The following RP1 variants were observed in gnomAD, a reference collection of about 807,000 sequenced individuals.
RP1 encodes RP1 axonemal microtubule associated.
RP1 carries 16 observed loss-of-function variants against 14.8 expected under a neutral mutation model. The observed-to-expected ratio is 1.08, with a 90% confidence interval of 0.73 to 1.65. The LOEUF (loss-of-function observed/expected upper bound fraction) is 1.65, where lower values mean the gene tolerates loss of function less well. RP1 is among the 40% of genes most tolerant of loss of function. RP1 has a pLI of 0.00. For synonymous variants in RP1, 876 were observed against 883.6 expected, an observed-to-expected ratio of 0.99 and a Z score of 0.15; for missense variants, 2,631 against 2,535.0, an observed-to-expected ratio of 1.04 and a Z score of -0.81.
chr8:54,741,061 A>G (rs186062379), intron 19 of RP1, among the ~76,000 whole-genome samples: 3 of 152,276 alleles, frequency 2.0e-5, no homozygotes, highest in East Asian at 3.9e-4. Flanking sequence ...CTTATGGAAT[A>G]AGAATATAAA....
downstream of RP1, among the ~76,000 whole-genome samples, chr8:54,770,384 C>T (rs533672687): frequency 1.3e-5 from 2 of 151,620 alleles, no homozygotes; most frequent in African/African-American, 4.8e-5. Flanking sequence ...TAATGCTTCT[C>T]TTCAATAATT....
At chr8:54,674,125 T>C (rs2129333341) in intron 8 of RP1, among the ~76,000 whole-genome samples, 1 of 152,326 alleles carries the variant, frequency 6.6e-6, no homozygotes, top group African/African-American at 2.4e-5. Flanking sequence ...TGACATAGGC[T>C]TGGCCAAGGG....
chr8:54,817,573 G>A (rs1811163510), intron 24 of RP1, among the ~76,000 whole-genome samples: 1 of 152,172 alleles, frequency 6.6e-6, no homozygotes, highest in Non-Finnish European at 1.5e-5. Flanking sequence ...TTGAAAACTA[G>A]ACAGAAAATG....
Position 54,629,613 on chromosome 8 carries a change from T to C in RP1, c.5731T>C (p.Tyr1911His), listed in dbSNP as rs995598864. ...GGAAGCTGACTCTTTGGATAAACTGTATGCTCTTTGTGGTCAACATTGCCC... is the reference window on the plus strand; with the variant it reads ...GGAAGCTGACTCTTTGGATAAACTGCATGCTCTTTGTGGTCAACATTGCCC... ...LQEADSLDKLYALCGQHCPIL... is the reference protein window; with the variant it reads ...LQEADSLDKLHALCGQHCPIL... The change falls in exon 4 of 4, where the codon TAT becomes CAT. Residue 1911 changes from tyrosine to histidine, a missense_variant. By Grantham distance (83) the Tyr-to-His change is moderately conservative. Transcript: ENST00000220676. 1 of 1,614,012 alleles carries C rather than the reference T, an allele frequency of 6.2e-7. No homozygotes were observed. Among genetic ancestry groups the C allele is most frequent in the Non-Finnish European group, 8.5e-7 (1 of 1,180,002 alleles).
At chr8:54,740,865 T>C (rs1411025600) in intron 19 of RP1, among the ~76,000 whole-genome samples, 1 of 151,534 alleles carries the variant, frequency 6.6e-6, no homozygotes, top group African/African-American at 2.4e-5. Context: ...GCTAACATGG[T>C]GAAACCCCAT....
chr8:54,822,129 T>C (rs1811268639), intron 24 of RP1, among the ~76,000 whole-genome samples: 2 of 152,242 alleles, frequency 1.3e-5, no homozygotes, highest in Non-Finnish European at 2.9e-5. Flanking sequence ...CAAAATGTAG[T>C]TGTAATACAG....
chr8:54,777,888 A>G (rs1268160961), intron 23 of RP1, among the ~76,000 whole-genome samples: 2 of 152,226 alleles, frequency 1.3e-5, no homozygotes, highest in African/African-American at 4.8e-5. Flanking sequence ...GAGGCAAATA[A>G]CAATATCCTT....
At chr8:54,712,207 G>T (rs914539976) in intron 15 of RP1, among the ~76,000 whole-genome samples, 1 of 152,156 alleles carries the variant, frequency 6.6e-6, no homozygotes, top group African/African-American at 2.4e-5. Flanking sequence ...GGCCTACATC[G>T]GGAGAGACAG....
chr8:54,595,513 T>A (rs192000686), intron 1 of RP1, among the ~76,000 whole-genome samples: 102 of 152,312 alleles, frequency 6.7e-4, no homozygotes, highest in African/African-American at 2.5e-3. Context: ...CTTAGCAAAC[T>A]GCAATCTTTT....
chr8:54,603,151 T>G (rs1805334791), intron 1 of RP1, among the ~76,000 whole-genome samples: 3 of 152,230 alleles, frequency 2.0e-5, no homozygotes, highest in African/African-American at 7.2e-5. Context: ...GGTTTTCTTC[T>G]AGGGTTTTTA....
chr8:54,843,883 G>A (rs532531824), intron 25 of RP1, among the ~76,000 whole-genome samples: 12 of 152,286 alleles, frequency 7.9e-5, no homozygotes, highest in East Asian at 3.9e-4. Flanking sequence ...TTACCTAGGC[G>A]CTTTAGAGCC....
chr8:54,786,972 C>T (rs574190158), intron 24 of RP1, among the ~76,000 whole-genome samples: 17 of 152,230 alleles, frequency 1.1e-4, no homozygotes, highest in African/African-American at 3.6e-4. Flanking sequence ...TTTTATATAA[C>T]TGTTCATATG....
intron 3 of RP1, among the ~76,000 whole-genome samples, chr8:54,623,840 T>G (rs960290391): frequency 1.3e-5 from 2 of 152,122 alleles, no homozygotes; most frequent in Non-Finnish European, 2.9e-5. Flanking sequence ...TATGTGTAGG[T>G]GGGAAGATGA....
intron 19 of RP1, among the ~76,000 whole-genome samples, chr8:54,739,858 C>T (rs1809028014): frequency 6.6e-6 from 1 of 152,034 alleles, no homozygotes; most frequent in Admixed American, 6.6e-5. Flanking sequence ...AAAATTCTTA[C>T]TGCCTAGTGA....
intron 1 of RP1, among the ~76,000 whole-genome samples, chr8:54,588,794 C>T (rs1005309387): frequency 1.3e-5 from 2 of 152,090 alleles, no homozygotes; most frequent in Non-Finnish European, 2.9e-5. Context: ...GATACTGTAT[C>T]CTCTATCTTG....
At position 54,629,702 on chromosome 8, in the gene RP1, A is replaced by G; in HGVS notation, c.5820A>G (p.Glu1940=). Residue 1940 remains glutamate (E), a synonymous_variant, in exon 4 of 4, where the codon GAA becomes GAG. Coordinates refer to ENST00000220676, the MANE Select transcript of RP1 (RefSeq NM_006269.2). ...ACCGAGGATTTGCATATCGCAAAGA[A>G]TCTGATATTGAAAATTTCTTGGGTT... The part of the protein sequence containing the change: ...EEDRGFAYRK[E]SDIENFLGFY... 6.2e-7 allele frequency: 1 copy of G among 1,612,784 alleles called. No homozygotes were observed. The highest frequency in any genetic ancestry group is 8.5e-7 in the Non-Finnish European group (1 of 1,179,452).
At chr8:54,722,809 A>G (rs1808567956) in intron 16 of RP1, among the ~76,000 whole-genome samples, 1 of 152,156 alleles carries the variant, frequency 6.6e-6, no homozygotes, top group African/African-American at 2.4e-5. Flanking sequence ...CTAAGTTTAC[A>G]TCTCAAGAGA....
intron 24 of RP1, among the ~76,000 whole-genome samples, chr8:54,817,632 A>G (rs978058645): frequency 6.6e-6 from 1 of 152,216 alleles, no homozygotes; most frequent in Non-Finnish European, 1.5e-5. Flanking sequence ...TGAGCAAAAT[A>G]AAACTATATT....
At chr8:54,596,138 C>A (rs1337743757) in intron 1 of RP1, among the ~76,000 whole-genome samples, 1 of 152,132 alleles carries the variant, frequency 6.6e-6, no homozygotes, top group African/African-American at 2.4e-5. Context: ...TAATAGACTT[C>A]AAGAGCTTTT....
Sources: gnomAD v4.1 joint callset for allele counts (sites outside exome capture counted in the v4.1 genomes callset) on GRCh38, gnomAD v4.1.1 for gene constraint, MANE v1.5 for transcripts, NCBI Gene and HGNC (gene_info 2026-07-23, HGNC 2026-07-21) for gene names.